Variants in ADAM29 observed in about 807,000 individuals in gnomAD.
The protein encoded by ADAM29 is ADAM metallopeptidase domain 29.
For missense variants in ADAM29, 969 were observed against 1,001.8 expected, an observed-to-expected ratio of 0.97 and a Z score of 0.44; for synonymous variants, 367 against 342.3, an observed-to-expected ratio of 1.07 and a Z score of -0.80.
At chr4:174,939,447 C>T (rs897126744) in intron 4 of ADAM29, among the ~76,000 whole-genome samples, 2 of 152,110 alleles carry the variant, frequency 1.3e-5, no homozygotes, top group Non-Finnish European at 2.9e-5. Flanking sequence ...CATCAAACAA[C>T]TGGATATTTT....
At chr4:174,960,647 C>T (rs2111057607) in intron 4 of ADAM29, among the ~76,000 whole-genome samples, 1 of 152,194 alleles carries the variant, frequency 6.6e-6, no homozygotes, top group East Asian at 1.9e-4. Context: ...CTAAAATTTC[C>T]ACGCTTGCTG....
chr4:174,946,518 A>G lies in ADAM29; in HGVS notation c.-181+9505A>G, dbSNP rs190599438. Among the ~76,000 whole-genome samples, 38 of 152,164 alleles carry G rather than the reference A, an allele frequency of 2.5e-4. No homozygotes were observed. The East Asian group carries it at 5.6e-3, about 22-fold the overall frequency. On this transcript the variant is annotated intron_variant, in intron 4 of 4. Coordinates refer to ENST00000359240, the MANE Select transcript of ADAM29 (RefSeq NM_014269.4). ...CACTTGCCTGATTGCTCTAGCTAGG[A>G]CTTCCAGTACCTTGTTGAATGAAAT...
At chr4:174,973,045 A>G (rs1435238701) in intron 4 of ADAM29, among the ~76,000 whole-genome samples, 3 of 152,176 alleles carry the variant, frequency 2.0e-5, no homozygotes, top group African/African-American at 4.8e-5. Flanking sequence ...TGTCAGATAC[A>G]CAGATCAGCA....
At chr4:174,950,501 A>G (rs1025876637) in intron 4 of ADAM29, among the ~76,000 whole-genome samples, 1 of 152,180 alleles carries the variant, frequency 6.6e-6, no homozygotes, top group Non-Finnish European at 1.5e-5. Context: ...TATATTGACT[A>G]TCCTTTCTCT....
chr4:174,930,175 C>T (rs1283436393), intron 2 of ADAM29, among the ~76,000 whole-genome samples: 3 of 152,128 alleles, frequency 2.0e-5, no homozygotes, highest in Non-Finnish European at 4.4e-5. Flanking sequence ...AGTAATCTGC[C>T]CACTTCGGCC....
chr4:174,970,349 A>G (rs546627173), intron 4 of ADAM29, among the ~76,000 whole-genome samples: 68 of 152,242 alleles, frequency 4.5e-4, no homozygotes, highest in Non-Finnish European at 9.0e-4. Flanking sequence ...CCGTGAGTCC[A>G]ATGCAATTCC....
At chr4:174,929,073 A>C (rs1560861061) in intron 2 of ADAM29, among the ~76,000 whole-genome samples, 1 of 152,186 alleles carries the variant, frequency 6.6e-6, no homozygotes, top group Non-Finnish European at 1.5e-5. Flanking sequence ...AGATGACTTA[A>C]AATTTCCGGA....
chr4:174,954,474 G>T (rs4467539), intron 4 of ADAM29, among the ~76,000 whole-genome samples: 63,343 of 151,542 alleles, frequency 0.42, 13,718 homozygotes, highest in African/African-American at 0.53. Flanking sequence ...TCTTTCAATA[G>T]TCTATTCCAG....
chr4:174,919,659 C>G (rs1332188670), intron 1 of ADAM29, among the ~76,000 whole-genome samples: 1 of 152,180 alleles, frequency 6.6e-6, no homozygotes, highest in African/African-American at 2.4e-5. Context: ...TTCAATACAG[C>G]TGTTTCTCTT....
At position 174,931,131 on chromosome 4, in the gene ADAM29, C is replaced by T. The variant is rs1743842500; in HGVS notation, c.-305C>T. 6.6e-6 allele frequency: 1 copy of T among 152,176 alleles called. No homozygotes were observed. The highest frequency in any genetic ancestry group is 1.5e-5 in the Non-Finnish European group (1 of 68,034). 9.4% of individuals were successfully genotyped at this position (152,176 alleles called of 1,614,324 possible). A position where few individuals can be genotyped will look rare whatever the true frequency, so the allele number is the denominator to read the frequency against. On this transcript the variant is annotated 5_prime_UTR_variant, in exon 3 of 5. Coordinates refer to ENST00000359240, the MANE Select transcript of ADAM29 (RefSeq NM_014269.4). ...AATTTGATTGAGCCCCCATCCAGTC[C>T]TCTTTGCGTGGAATCAGACCTCTTT...
At chr4:174,928,957 G>A (rs1051668092) in intron 2 of ADAM29, among the ~76,000 whole-genome samples, 1 of 152,164 alleles carries the variant, frequency 6.6e-6, no homozygotes, top group Non-Finnish European at 1.5e-5. Context: ...CTTTTCTAAA[G>A]TAACTGCTCT....
chr4:174,962,263 G>C (rs923182849), intron 4 of ADAM29, among the ~76,000 whole-genome samples: 2 of 152,222 alleles, frequency 1.3e-5, no homozygotes, highest in Middle Eastern at 6.8e-3. Context: ...TGTAATCCCA[G>C]TACTTTGGGA....
At chr4:174,975,102 C>T (rs186620723) in intron 4 of ADAM29, among the ~76,000 whole-genome samples, 3 of 152,122 alleles carry the variant, frequency 2.0e-5, no homozygotes, top group South Asian at 4.2e-4. Context: ...AATCAATTTC[C>T]CACCGTTTAT....
At chr4:174,969,265 T>C (rs909527414) in intron 4 of ADAM29, among the ~76,000 whole-genome samples, 1 of 151,570 alleles carries the variant, frequency 6.6e-6, no homozygotes, top group Non-Finnish European at 1.5e-5. Flanking sequence ...TTCATCACCA[T>C]CATCATTGTC....
chr4:174,937,670 G>A (rs1020226745), intron 4 of ADAM29, among the ~76,000 whole-genome samples: 6 of 151,780 alleles, frequency 4.0e-5, no homozygotes, highest in East Asian at 1.9e-4. Flanking sequence ...TACCCTATTC[G>A]CCTGGCTAGT....
At chr4:174,959,872 C>T (rs1745711299) in intron 4 of ADAM29, among the ~76,000 whole-genome samples, 2 of 151,860 alleles carry the variant, frequency 1.3e-5, no homozygotes, top group South Asian at 4.2e-4. Context: ...TCAATGTGTC[C>T]TGAAGTAGTT....
At chr4:174,930,022 G>A (rs1019464027) in intron 2 of ADAM29, among the ~76,000 whole-genome samples, 3 of 152,174 alleles carry the variant, frequency 2.0e-5, no homozygotes, top group East Asian at 1.9e-4. Context: ...TCTGCCTCCC[G>A]GGTTCACTCC....
chr4:174,958,235 T>G (rs1259725644), intron 4 of ADAM29, among the ~76,000 whole-genome samples: 1 of 124,704 alleles, frequency 8.0e-6, no homozygotes, highest in Non-Finnish European at 1.7e-5. Context: ...CCATGTCAAT[T>G]ACTGATGGGG....
At chr4:174,935,503 T>C in intron 3 of ADAM29, among the ~76,000 whole-genome samples, 1 of 152,108 alleles carries the variant, frequency 6.6e-6, no homozygotes, top group Non-Finnish European at 1.5e-5. Flanking sequence ...AGTGAACGTC[T>C]AGTAAGATTT....
Sources: gnomAD v4.1 joint callset for allele counts (sites outside exome capture counted in the v4.1 genomes callset) on GRCh38, gnomAD v4.1.1 for gene constraint, MANE v1.5 for transcripts, NCBI Gene and HGNC (gene_info 2026-07-23, HGNC 2026-07-21) for gene names.